ASIC2: variants seen among roughly 807,000 people sequenced by gnomAD.
ASIC2 encodes the protein acid-sensing ion channel 2.
In ASIC2, 25 loss-of-function variants were observed where a neutral mutation model predicts 57.3. The observed-to-expected ratio is 0.44, with a 90% confidence interval of 0.32 to 0.61. ASIC2 has a LOEUF of 0.61. Among genes scored for constraint, ASIC2 ranks in the 20% least tolerant of loss-of-function variants. The probability of loss-of-function intolerance (pLI) is 0.06; values close to 1 mark genes in which losing one functional copy is unlikely to be tolerated. For synonymous variants in ASIC2, 319 were observed against 307.5 expected, an observed-to-expected ratio of 1.04 and a Z score of -0.39; for missense variants, 641 against 738.1, an observed-to-expected ratio of 0.87 and a Z score of 1.52.
At chr17:33,525,660 C>T (rs752653408) in intron 1 of ASIC2, among the ~76,000 whole-genome samples, 17 of 152,360 alleles carry the variant, frequency 1.1e-4, no homozygotes, top group African/African-American at 2.4e-4. Flanking sequence ...ATTACCTAGA[C>T]GGACTGACCA....
At chr17:33,020,169 C>T (rs1191323726) in intron 7 of ASIC2, among the ~76,000 whole-genome samples, 1 of 152,160 alleles carries the variant, frequency 6.6e-6, no homozygotes, top group Non-Finnish European at 1.5e-5. Context: ...CCCCTGGACA[C>T]ACCAGCTGAG....
At chr17:33,610,153 C>G (rs1285879296) in intron 1 of ASIC2, among the ~76,000 whole-genome samples, 1 of 152,080 alleles carries the variant, frequency 6.6e-6, no homozygotes, top group Non-Finnish European at 1.5e-5. Context: ...TATTCTTTCT[C>G]CCTATTTTGC....
At chr17:33,020,861 C>T (rs1207275286) in intron 7 of ASIC2, among the ~76,000 whole-genome samples, 1 of 152,150 alleles carries the variant, frequency 6.6e-6, no homozygotes, top group Non-Finnish European at 1.5e-5. Flanking sequence ...CCTCTGCCCC[C>T]TCTCCATGGC....
chr17:33,449,548 G>C (rs1912168262), intron 1 of ASIC2, among the ~76,000 whole-genome samples: 1 of 152,128 alleles, frequency 6.6e-6, no homozygotes, highest in Non-Finnish European at 1.5e-5. Flanking sequence ...TGTTCTCAAA[G>C]CAAACCCCTC....
chr17:33,019,600 A>G (rs942705477), intron 7 of ASIC2, among the ~76,000 whole-genome samples: 2 of 151,986 alleles, frequency 1.3e-5, no homozygotes, highest in Non-Finnish European at 2.9e-5. Flanking sequence ...TGCGGTGCTG[A>G]GAGAAGGGCC....
At chr17:33,293,942 T>C (rs1376638554), upstream of ASIC2, among the ~76,000 whole-genome samples, 3 of 151,962 alleles carry the variant, frequency 2.0e-5, no homozygotes, top group Non-Finnish European at 4.4e-5. Context: ...GTGCATGTGT[T>C]GTATGTAATG....
chr17:33,755,769 G>A (rs1910585720), intron 1 of ASIC2, among the ~76,000 whole-genome samples: 1 of 152,130 alleles, frequency 6.6e-6, no homozygotes, highest in African/African-American at 2.4e-5. Context: ...TAAACACGCA[G>A]GATACAGAGG....
intron 2 of ASIC2, among the ~76,000 whole-genome samples, chr17:33,110,904 G>T (rs80013966): frequency 6.6e-6 from 1 of 152,164 alleles, no homozygotes; most frequent in South Asian, 2.1e-4. Context: ...TGCTCCCCAC[G>T]CTCCTCTCTT....
intron 1 of ASIC2, among the ~76,000 whole-genome samples, chr17:33,176,158 C>A (rs999326473): frequency 6.6e-6 from 1 of 152,214 alleles, no homozygotes; most frequent in Admixed American, 6.5e-5. Flanking sequence ...CACTCTCTAA[C>A]CCTTCAGGGC....
intron 1 of ASIC2, among the ~76,000 whole-genome samples, chr17:33,456,026 A>T (rs999369351): frequency 6.6e-6 from 1 of 152,078 alleles, no homozygotes; most frequent in African/African-American, 2.4e-5. Flanking sequence ...TGGATGAGGA[A>T]CTCAGCCCTC....
chr17:33,054,800 T>C (rs1557753), intron 3 of ASIC2, among the ~76,000 whole-genome samples: 140,271 of 152,318 alleles, frequency 0.92, 64,702 homozygotes, highest in African/African-American at 0.98. Context: ...GAGAAATGGG[T>C]GTGATCAATT....
chr17:33,749,320 G>C (rs114630944), intron 1 of ASIC2, among the ~76,000 whole-genome samples: 2 of 151,618 alleles, frequency 1.3e-5, no homozygotes, highest in Non-Finnish European at 2.9e-5. Context: ...TCTTTGCTTG[G>C]TAGGACTCAC....
intron 1 of ASIC2, among the ~76,000 whole-genome samples, chr17:33,429,448 TG>T (rs1911328902): frequency 6.6e-6 from 1 of 152,138 alleles, no homozygotes; most frequent in Non-Finnish European, 1.5e-5. Flanking sequence ...TGGAGTGCAG[TG>T]GCGTGATCTC....
At chr17:33,810,034 C>A (rs1044249283) in intron 1 of ASIC2, among the ~76,000 whole-genome samples, 1 of 152,082 alleles carries the variant, frequency 6.6e-6, no homozygotes, top group Non-Finnish European at 1.5e-5. Flanking sequence ...ATTTAACTTC[C>A]TTGAACCTAG....
chr17:33,125,534 G>C (rs1293176790), intron 1 of ASIC2, among the ~76,000 whole-genome samples: 1 of 152,170 alleles, frequency 6.6e-6, no homozygotes, highest in African/African-American at 2.4e-5. Flanking sequence ...CATCTAATGA[G>C]CAACTATTAC....
chr17:33,513,032 A>G (rs757425747), intron 1 of ASIC2, among the ~76,000 whole-genome samples: 2 of 152,276 alleles, frequency 1.3e-5, no homozygotes, highest in South Asian at 4.1e-4. Flanking sequence ...CATTATACGA[A>G]ATAGTTTTAT....
At chr17:33,281,249 T>C (rs925662618) in intron 1 of ASIC2, among the ~76,000 whole-genome samples, 27 of 152,190 alleles carry the variant, frequency 1.8e-4, no homozygotes, top group Non-Finnish European at 3.7e-4. Context: ...GATATGAAAA[T>C]GACATAATGT....
intron 1 of ASIC2, among the ~76,000 whole-genome samples, chr17:33,332,020 T>C (rs1252396390): frequency 6.6e-6 from 1 of 152,276 alleles, no homozygotes; most frequent in Non-Finnish European, 1.5e-5. Flanking sequence ...TTAGTGTTTT[T>C]TCAAGCTGAT....
intron 1 of ASIC2, among the ~76,000 whole-genome samples, chr17:33,624,508 C>T (rs9908335): frequency 0.089 from 13,584 of 152,208 alleles, 636 homozygotes; most frequent in African/African-American, 0.12. Flanking sequence ...TTCTCCTTTT[C>T]TCTATTGGAG....
Sources: gnomAD v4.1 joint callset for allele counts (sites outside exome capture counted in the v4.1 genomes callset) on GRCh38, gnomAD v4.1.1 for gene constraint, MANE v1.5 for transcripts, NCBI Gene and HGNC (gene_info 2026-07-23, HGNC 2026-07-21) for gene names.